Variants in ARFIP1 observed in about 807,000 individuals in gnomAD.
ARFIP1 encodes the protein arfaptin-1.
A neutral mutation model predicts 42.5 loss-of-function variants in ARFIP1; 24 were observed. That is an observed-to-expected ratio of 0.57 (90% confidence interval 0.41 to 0.80). ARFIP1 has a LOEUF of 0.80. Ranked by LOEUF, ARFIP1 falls within the 30% of genes least tolerant of loss-of-function variation. The probability of loss-of-function intolerance (pLI) is 0.00; values close to 1 mark genes in which losing one functional copy is unlikely to be tolerated. For missense variants in ARFIP1, 354 were observed against 434.0 expected (o/e 0.82, Z 1.64); for synonymous variants, 141 against 153.7 (o/e 0.92, Z 0.61).
chr4:152,890,228 A>G (rs1391497095), intron 8 of ARFIP1, among the ~76,000 whole-genome samples: 1 of 152,028 alleles, frequency 6.6e-6, no homozygotes, highest in Non-Finnish European at 1.5e-5. Flanking sequence ...CTAAGCCTTG[A>G]CCACATACAG....
At chr4:152,788,071 A>G (rs962678023) in intron 1 of ARFIP1, among the ~76,000 whole-genome samples, 11 of 151,708 alleles carry the variant, frequency 7.3e-5, no homozygotes, top group African/African-American at 2.4e-4. Context: ...ACTAAAAAAT[A>G]TACATATACA....
chr4:152,829,766 G>A (rs10010297), intron 2 of ARFIP1, 40 bp downstream of exon 2: 921,774 of 1,456,228 alleles, frequency 0.63, 293,447 homozygotes, highest in Admixed American at 0.75. Context: ...AAGAATCATG[G>A]TAAGTCTTTA....
At chr4:152,794,566 T>C (rs1467117767) in intron 1 of ARFIP1, among the ~76,000 whole-genome samples, 1 of 152,170 alleles carries the variant, frequency 6.6e-6, no homozygotes, top group Non-Finnish European at 1.5e-5. Flanking sequence ...CTTTCCCTTT[T>C]TAGTTGGTAA....
intron 2 of ARFIP1, among the ~76,000 whole-genome samples, chr4:152,860,542 C>T (rs1056899993): frequency 6.6e-6 from 1 of 152,292 alleles, no homozygotes; most frequent in Non-Finnish European, 1.5e-5. Flanking sequence ...TTACCTTGAA[C>T]CTACCGTAAT....
chr4:152,911,601 C>A lies in ARFIP1; in HGVS notation c.*1382C>A, dbSNP rs1738852778. The A allele has an allele frequency of 6.6e-6, 1 of 152,594 alleles. No individual in the cohort carries two copies. The highest frequency in any genetic ancestry group is 6.5e-5 in the Admixed American group (1 of 15,274). The allele number at this position is 152,594 out of a possible 1,614,324, so 9.5% of individuals were successfully genotyped here. A position where few individuals can be genotyped will look rare whatever the true frequency, so the allele number is the denominator to read the frequency against. ...AGAGGCATCCCTCACCTGTTCATTT[C>A]TTCTGTGTTGAAATGAAGTACTTAA... On this transcript the variant is annotated 3_prime_UTR_variant, in exon 9 of 9. Transcript: ENST00000353617.
chr4:152,838,415 T>G (rs1731823348), intron 2 of ARFIP1, among the ~76,000 whole-genome samples: 1 of 152,236 alleles, frequency 6.6e-6, no homozygotes, highest in Admixed American at 6.5e-5. Context: ...GTATGGGATG[T>G]GTTTCCATTT....
rs1186770491 is a variant in ARFIP1, at chr4:152,863,720, A to G, written c.202+6A>G. 3.2e-6 allele frequency: 5 copies of G among 1,562,320 alleles called. No homozygotes were observed. The African/African-American group carries it at 6.8e-5, about 21-fold the overall frequency. On this transcript the variant is annotated splice_donor_region_variant and intron_variant, in intron 3 of 8. Transcript: ENST00000353617. ...TGAAGCAGGAGCATTTCAAGGTAAG[A>G]GCCCATATATTTGTAAAGATGGCTG...
At chr4:152,894,421 T>C (rs558211592) in intron 8 of ARFIP1, among the ~76,000 whole-genome samples, 1 of 152,276 alleles carries the variant, frequency 6.6e-6, no homozygotes, top group East Asian at 1.9e-4. Flanking sequence ...CACAAGGAGA[T>C]AGATACATTC....
At chr4:152,812,420 TG>T (rs748735384) in intron 1 of ARFIP1, among the ~76,000 whole-genome samples, 11 of 152,202 alleles carry the variant, frequency 7.2e-5, no homozygotes, top group Non-Finnish European at 1.6e-4. Flanking sequence ...CTCAAACTCC[TG>T]GGCTCAGGCC....
intron 5 of ARFIP1, among the ~76,000 whole-genome samples, chr4:152,879,621 G>A (rs527893816): frequency 1.3e-5 from 2 of 151,432 alleles, no homozygotes; most frequent in East Asian, 2.0e-4. Context: ...AGGCCAAGAC[G>A]GGCAGATCAC....
In ARFIP1 at chr4:152,804,476, A is replaced by T. The variant is rs541011102; in HGVS notation, c.-10+24250A>T. On this transcript the variant is annotated intron_variant, in intron 1 of 8. Coordinates refer to ENST00000353617, the MANE Select transcript of ARFIP1 (RefSeq NM_001025595.3). ...ATTATATATAATATATAATATATAT[A>T]ATATATATTATTTATATATATATAA... Among the ~76,000 whole-genome samples, 588 of 106,880 alleles carry T rather than the reference A, an allele frequency of 5.5e-3. 24 individuals are homozygous for T. The highest frequency in any genetic ancestry group is 0.016 in the South Asian group (63 of 3,842). 70.1% of individuals were successfully genotyped at this position (106,880 alleles called of 152,430 possible).
intron 1 of ARFIP1, among the ~76,000 whole-genome samples, chr4:152,821,794 C>T (rs1730388643): frequency 6.6e-6 from 1 of 152,172 alleles, no homozygotes; most frequent in Admixed American, 6.5e-5. Context: ...GACTTCTCAG[C>T]AGAAACCTTA....
chr4:152,782,603 G>A (rs1446719229), intron 1 of ARFIP1, among the ~76,000 whole-genome samples: 2 of 151,722 alleles, frequency 1.3e-5, no homozygotes. Context: ...AATTTTTTTT[G>A]CTTGAGGCAT....
chr4:152,798,847 C>G (rs990678027), intron 1 of ARFIP1, among the ~76,000 whole-genome samples: 1 of 152,116 alleles, frequency 6.6e-6, no homozygotes, highest in Non-Finnish European at 1.5e-5. Flanking sequence ...CTAAATTTTA[C>G]TGAACAAAAA....
intron 2 of ARFIP1, among the ~76,000 whole-genome samples, chr4:152,860,360 A>G (rs1733790407): frequency 6.6e-6 from 1 of 152,158 alleles, no homozygotes; most frequent in South Asian, 2.1e-4. Context: ...TCATCAAATG[A>G]TTGCTAGGTA....
chr4:152,888,421 T>C, intron 8 of ARFIP1, 114 bp downstream of exon 8: 2 of 725,300 alleles, frequency 2.8e-6, no homozygotes, highest in Non-Finnish European at 4.3e-6. Flanking sequence ...AAGAAGGAAT[T>C]CCATTTGTAA....
At chr4:152,855,761 G>T (rs1389054309) in intron 2 of ARFIP1, among the ~76,000 whole-genome samples, 1 of 152,196 alleles carries the variant, frequency 6.6e-6, no homozygotes, top group East Asian at 1.9e-4. Context: ...GGCCCATGAG[G>T]GTCCAGGGGC....
At chr4:152,824,240 G>C (rs567786380) in intron 1 of ARFIP1, among the ~76,000 whole-genome samples, 1 of 151,904 alleles carries the variant, frequency 6.6e-6, no homozygotes, top group South Asian at 2.1e-4. Context: ...TTGAACCCAG[G>C]AGGCAGAGGT....
intron 6 of ARFIP1, 35 bp from the exon 7 acceptor site, chr4:152,882,688 T>G (rs372734640): frequency 6.3e-6 from 10 of 1,595,420 alleles, no homozygotes; most frequent in Non-Finnish European, 6.0e-6. Flanking sequence ...TACTGATTTA[T>G]TACTGAATAA....
Sources: allele counts gnomAD v4.1 joint callset (sites outside exome capture counted in the v4.1 genomes callset), GRCh38; gene constraint gnomAD v4.1.1; transcripts MANE v1.5; gene names NCBI Gene and HGNC (gene_info 2026-07-23, HGNC 2026-07-21).